The following SGCD variants were observed in gnomAD, a reference collection of about 807,000 sequenced individuals.
The protein encoded by SGCD is delta-sarcoglycan.
Under a neutral mutation model 36.6 loss-of-function variants are expected in SGCD, and 18 were observed. The observed-to-expected ratio is 0.49, with a 90% CI of 0.34 to 0.73. The LOEUF (loss-of-function observed/expected upper bound fraction) is 0.73, where lower values mean the gene tolerates loss of function less well. SGCD is among the 30% of genes least tolerant of loss of function. The probability of loss-of-function intolerance (pLI) is 0.01; values close to 1 mark genes in which losing one functional copy is unlikely to be tolerated. For missense variants in SGCD, 387 were observed against 346.7 expected (o/e 1.12, Z -0.92); for synonymous variants, 133 against 130.6 (o/e 1.02, Z -0.12).
chr5:156,639,911 C>G (rs1470517917), intron 6 of SGCD, among the ~76,000 whole-genome samples: 3 of 151,160 alleles, frequency 2.0e-5, no homozygotes, highest in African/African-American at 7.3e-5. Context: ...CCTTAAAATT[C>G]TGACATTGGC....
chr5:155,807,045 A>C, the SGCD span, among the ~76,000 whole-genome samples: 1 of 152,234 alleles, frequency 6.6e-6, no homozygotes. Context: ...CATTTATTAT[A>C]TACACAAGTA....
chr5:156,222,448 C>T (rs1764738018), intron 3 of SGCD, among the ~76,000 whole-genome samples: 3 of 152,092 alleles, frequency 2.0e-5, no homozygotes, highest in African/African-American at 7.2e-5. Flanking sequence ...TTGAGAAACT[C>T]TTATATCTGA....
chr5:156,766,052 A>G lies in SGCD; in HGVS notation c.*6662A>G, dbSNP rs1757581961. 1 of 150,552 alleles carries G rather than the reference A, an allele frequency of 6.6e-6. No individual in the cohort carries two copies. Among genetic ancestry groups the G allele is most frequent in the Admixed American group, 6.6e-5 (1 of 15,102 alleles). The allele number at this position is 150,552 out of a possible 1,614,324, so 9.3% of individuals were successfully genotyped here. ...TCAAGCTTAAAAAAAAAAAAAAAAG[A>G]CCGGAAAATACCTGGGTTGTTAGCC... On this transcript the variant is annotated 3_prime_UTR_variant, in exon 9 of 9. Transcript: ENST00000337851.
rs146448114 is a variant in SGCD, at chr5:156,614,751, A to T, written c.502+19700A>T. Among the ~76,000 whole-genome samples the T allele has an allele frequency of 8.5e-3, 1,293 of 152,244 alleles. 13 individuals are homozygous for T. The highest frequency in any genetic ancestry group is 0.023 in the South Asian group (111 of 4,820). ...AACTGTCTTCTCAATTCCAGTTTCA[A>T]ATTCCCAGCAGCCTGTACTTTTCCT... On this transcript the variant is annotated intron_variant, in intron 6 of 8. Transcript: ENST00000337851.
chr5:156,050,548 A>G (rs1759890730), intron 1 of SGCD, among the ~76,000 whole-genome samples: 1 of 146,640 alleles, frequency 6.8e-6, no homozygotes, highest in South Asian at 2.1e-4. Context: ...TCTCTGAGCT[A>G]TGCTTTTATG....
At chr5:156,020,201 C>T (rs527720268) in intron 1 of SGCD, among the ~76,000 whole-genome samples, 8 of 152,326 alleles carry the variant, frequency 5.3e-5, no homozygotes, top group African/African-American at 1.9e-4. Flanking sequence ...ACTCTTTCCA[C>T]TTAATGATAT....
chr5:156,193,062 A>G (rs1201726372), intron 3 of SGCD, among the ~76,000 whole-genome samples: 1 of 152,030 alleles, frequency 6.6e-6, no homozygotes, highest in Non-Finnish European at 1.5e-5. Flanking sequence ...TAACCACTTA[A>G]AATTGTGAAG....
chr5:156,297,145 G>A (rs1174426266), intron 3 of SGCD, among the ~76,000 whole-genome samples: 2 of 151,954 alleles, frequency 1.3e-5, no homozygotes, highest in African/African-American at 4.8e-5. Context: ...ATTTATTCAT[G>A]TTACAAGCAT....
chr5:156,189,561 T>G (rs1010536243), intron 3 of SGCD, among the ~76,000 whole-genome samples: 1 of 151,718 alleles, frequency 6.6e-6, no homozygotes, highest in Non-Finnish European at 1.5e-5. Context: ...AGAGCCTCTA[T>G]TACTAAAAAC....
chr5:156,455,174 A>C (rs1754199011), intron 3 of SGCD, among the ~76,000 whole-genome samples: 1 of 152,184 alleles, frequency 6.6e-6, no homozygotes, highest in African/African-American at 2.4e-5. Flanking sequence ...CAAAGTCCTT[A>C]GGCAATTACA....
chr5:156,372,395 A>G lies in SGCD; in HGVS notation c.192+27718A>G, dbSNP rs545103206. Among the ~76,000 whole-genome samples the G allele has an allele frequency of 1.2e-4, 19 of 152,304 alleles. No homozygotes were observed. The South Asian group carries it at 1.7e-3, about 13-fold the overall frequency. On this transcript the variant is annotated intron_variant, in intron 3 of 8. Coordinates refer to ENST00000337851, the MANE Select transcript of SGCD (RefSeq NM_000337.6). Reference sequence around the variant, plus strand: ...GTAGTCATCAACAATGGGTAGCTTTACTATTCTCACCTGTAATCTTAGCAC... The same window carrying G: ...GTAGTCATCAACAATGGGTAGCTTTGCTATTCTCACCTGTAATCTTAGCAC...
intron 7 of SGCD, among the ~76,000 whole-genome samples, chr5:156,708,715 T>G (rs562043932): frequency 6.6e-6 from 1 of 152,240 alleles, no homozygotes; most frequent in African/African-American, 2.4e-5. Flanking sequence ...TGCACTATTT[T>G]GAAGGAGGGA....
chr5:156,602,079 C>A (rs1167933224), intron 6 of SGCD, among the ~76,000 whole-genome samples: 2 of 152,168 alleles, frequency 1.3e-5, no homozygotes, highest in African/African-American at 4.8e-5. Flanking sequence ...AATCTGTGAA[C>A]ATGGAGTCTC....
intron 1 of SGCD, among the ~76,000 whole-genome samples, chr5:155,923,352 C>T (rs1267278214): frequency 6.7e-6 from 1 of 149,848 alleles, no homozygotes; most frequent in Non-Finnish European, 1.5e-5. Context: ...TCTGGATTAC[C>T]TTTCTGTGCT....
chr5:156,558,136 C>T (rs2113229803), intron 4 of SGCD, among the ~76,000 whole-genome samples: 1 of 104,820 alleles, frequency 9.5e-6, no homozygotes, highest in South Asian at 2.9e-4. Context: ...ATTTAACTCT[C>T]TTTTAAAGGC....
intron 1 of SGCD, among the ~76,000 whole-genome samples, chr5:156,328,256 G>A (rs778182739): frequency 6.6e-6 from 1 of 152,208 alleles, no homozygotes; most frequent in Non-Finnish European, 1.5e-5. Context: ...CATTGCATTT[G>A]AGAGACTGGT....
In SGCD at chr5:156,491,992, T is replaced by G. The variant is rs148776877; in HGVS notation, c.193-16609T>G. Among the ~76,000 whole-genome samples the G allele has an allele frequency of 6.1e-3, 936 of 152,226 alleles. 6 individuals carry two copies. The highest frequency in any genetic ancestry group is 0.02 in the South Asian group (95 of 4,828). On this transcript the variant is annotated intron_variant, in intron 3 of 8. Coordinates refer to ENST00000337851, the MANE Select transcript of SGCD (RefSeq NM_000337.6). ...AATTGGGTTTCCCTGTCATCAGAAG[T>G]AGAGGTGACTGTCAGTCTGTGACAA...
chr5:156,383,663 A>T (rs1254529107), intron 3 of SGCD, among the ~76,000 whole-genome samples: 1 of 152,142 alleles, frequency 6.6e-6, no homozygotes, highest in African/African-American at 2.4e-5. Flanking sequence ...TTGACTGGAA[A>T]CTAAAGTGAA....
At chr5:156,340,746 G>T (rs750411928) in intron 2 of SGCD, among the ~76,000 whole-genome samples, 1 of 152,186 alleles carries the variant, frequency 6.6e-6, no homozygotes, top group African/African-American at 2.4e-5. Context: ...AGGAATTAAC[G>T]TTTTAACTTC....
Sources: gnomAD v4.1 joint callset for allele counts (sites outside exome capture counted in the v4.1 genomes callset) on GRCh38, gnomAD v4.1.1 for gene constraint, MANE v1.5 for transcripts, NCBI Gene and HGNC (gene_info 2026-07-23, HGNC 2026-07-21) for gene names.